DNTT: variants seen among roughly 807,000 people sequenced by gnomAD.
DNTT encodes DNA nucleotidylexotransferase.
A neutral mutation model predicts 60.9 loss-of-function variants in DNTT; 47 were observed. The observed-to-expected ratio is 0.77, with a 90% confidence interval of 0.61 to 0.98. DNTT has a LOEUF of 0.98. Ranked by LOEUF, DNTT falls within the 50% of genes least tolerant of loss-of-function variation. DNTT has a pLI of 0.00. For synonymous variants in DNTT, 224 were observed against 221.2 expected (o/e 1.01, Z -0.11); for missense variants, 665 against 627.5 (o/e 1.06, Z -0.64).
chr10:96,313,882 C>T (rs1844751516), intron 1 of DNTT, among the ~76,000 whole-genome samples: 1 of 152,094 alleles, frequency 6.6e-6, no homozygotes, highest in Non-Finnish European at 1.5e-5. Context: ...TGGTGACAGG[C>T]CAGAATTTGG....
intron 1 of DNTT, among the ~76,000 whole-genome samples, chr10:96,317,765 A>T (rs1210638687): frequency 2.0e-5 from 3 of 152,194 alleles, no homozygotes; most frequent in African/African-American, 7.2e-5. Flanking sequence ...CCCCTTGATC[A>T]TGGACTTTCC....
At position 96,310,717 on chromosome 10, in the gene DNTT, A is replaced by T. The variant is rs371849572; in HGVS notation, c.203+6017A>T. Among the ~76,000 whole-genome samples the T allele has an allele frequency of 7.2e-5, 11 of 152,154 alleles. No individual in the cohort carries two copies. The South Asian group carries it at 1.5e-3, about 20-fold the overall frequency. ...AGCCACGTGTAGACCTCAGCTACAG[A>T]CTTAGACAATTTTCTTTCACATAGG... On this transcript the variant is annotated intron_variant, in intron 1 of 10. Transcript: ENST00000371174.
intron 8 of DNTT, among the ~76,000 whole-genome samples, chr10:96,329,661 G>A (rs1222751879): frequency 6.6e-6 from 1 of 152,240 alleles, no homozygotes; most frequent in Non-Finnish European, 1.5e-5. Context: ...AGGGCCAGGG[G>A]CACTGGAAGT....
At chr10:96,308,626 GC>G (rs1844671277) in intron 1 of DNTT, among the ~76,000 whole-genome samples, 1 of 152,188 alleles carries the variant, frequency 6.6e-6, no homozygotes, top group South Asian at 2.1e-4. Flanking sequence ...CACCAAACAG[GC>G]ATTGTGTGAG....
chr10:96,320,056 G>A (rs1844847634), intron 3 of DNTT, among the ~76,000 whole-genome samples: 1 of 152,224 alleles, frequency 6.6e-6, no homozygotes, highest in Admixed American at 6.5e-5. Context: ...CTCCATGTCT[G>A]TGTTGGAAAG....
chr10:96,308,288 G>A (rs1369706791), intron 1 of DNTT, among the ~76,000 whole-genome samples: 1 of 152,130 alleles, frequency 6.6e-6, no homozygotes, highest in Non-Finnish European at 1.5e-5. Flanking sequence ...GTGGAGCTTT[G>A]CTAACATTTA....
intron 1 of DNTT, among the ~76,000 whole-genome samples, chr10:96,316,380 C>T (rs1322098510): frequency 2.0e-5 from 3 of 152,150 alleles, no homozygotes; most frequent in African/African-American, 7.2e-5. Context: ...CCTCCCTACC[C>T]CATTACGCTC....
At chr10:96,335,803 T>C (rs1032169290) in intron 9 of DNTT, 88 bp from the exon 10 acceptor site, 6 of 1,416,920 alleles carry the variant, frequency 4.2e-6, no homozygotes, top group Non-Finnish European at 6.0e-6. Context: ...TTTAGTGGAG[T>C]TACATATTTC....
chr10:96,333,910 C>G (rs73320754), intron 9 of DNTT, among the ~76,000 whole-genome samples: 3,138 of 152,134 alleles, frequency 0.021, 112 homozygotes, highest in African/African-American at 0.072. Flanking sequence ...TTCTATTGCA[C>G]AGTATGGTGA....
At chr10:96,324,469 C>G (rs897733238) in intron 6 of DNTT, 80 bp downstream of exon 6, 1 of 1,579,332 alleles carries the variant, frequency 6.3e-7, no homozygotes, top group African/African-American at 1.3e-5. Flanking sequence ...TACACTGCAA[C>G]TCCAATCTGG....
intron 1 of DNTT, among the ~76,000 whole-genome samples, chr10:96,306,903 T>C (rs939889570): frequency 1.3e-5 from 2 of 152,226 alleles, no homozygotes; most frequent in Non-Finnish European, 2.9e-5. Flanking sequence ...TAGACTTTAA[T>C]TGGATAGAGA....
At chr10:96,333,579 G>A (rs1008958351) in intron 9 of DNTT, among the ~76,000 whole-genome samples, 9 of 152,196 alleles carry the variant, frequency 5.9e-5, no homozygotes, top group African/African-American at 2.2e-4. Context: ...AGCATCCACA[G>A]CAGATGAATG....
At chr10:96,315,337 G>T (rs751822744) in intron 1 of DNTT, among the ~76,000 whole-genome samples, 3 of 151,892 alleles carry the variant, frequency 2.0e-5, no homozygotes, top group Admixed American at 6.6e-5. Flanking sequence ...ACCTTGTTGG[G>T]AACTAGTGGC....
In DNTT at chr10:96,318,447, A is replaced by T. The variant is rs1246704613; in HGVS notation, c.299A>T (p.Glu100Val). The T allele has an allele frequency of 6.2e-7, 1 of 1,613,994 alleles. No homozygotes were observed. Residue 100 changes from glutamate to valine, a missense_variant, in exon 2 of 11, where the codon GAG becomes GTG. Glu to Val is a moderately radical substitution (Grantham distance 121). Transcript: ENST00000371174. ...AQKVQVSSQP[E>V]LLDVSWLIEC... ...AAAGTACAAGTCAGCTCACAACCAG[A>T]GCTCCTCGATGTCTCCTGGCTGATC...
chr10:96,328,194 G>A (rs1402239052), intron 7 of DNTT, among the ~76,000 whole-genome samples: 1 of 152,194 alleles, frequency 6.6e-6, no homozygotes, highest in Admixed American at 6.5e-5. Context: ...GGATATTGAG[G>A]CCTGCATTTC....
intron 7 of DNTT, among the ~76,000 whole-genome samples, chr10:96,328,399 A>G (rs913743311): frequency 4.3e-4 from 66 of 152,214 alleles, no homozygotes; most frequent in African/African-American, 1.5e-3. Context: ...TACAATTCTT[A>G]GTTTGCTTGT....
chr10:96,305,822 T>A (rs1844627256), intron 1 of DNTT, among the ~76,000 whole-genome samples: 1 of 152,240 alleles, frequency 6.6e-6, no homozygotes, highest in South Asian at 2.1e-4. Flanking sequence ...GACTTTTCAT[T>A]CATTTTTTGC....
intron 1 of DNTT, among the ~76,000 whole-genome samples, chr10:96,306,092 A>ATTTTTTTTTTT (rs66877330): frequency 5.3e-5 from 7 of 131,484 alleles, no homozygotes; most frequent in African/African-American, 1.9e-4. Context: ...AAAAAAATAG[A>ATTTTTTTTTTT]TTTTTTTTTT....
chr10:96,333,793 G>C (rs1022386198), intron 9 of DNTT, among the ~76,000 whole-genome samples: 25 of 152,206 alleles, frequency 1.6e-4, no homozygotes, highest in Non-Finnish European at 1.8e-4. Flanking sequence ...GTACAGAATA[G>C]AATGTAGAAT....
Sources: gnomAD v4.1 joint callset for allele counts (sites outside exome capture counted in the v4.1 genomes callset) on GRCh38, gnomAD v4.1.1 for gene constraint, MANE v1.5 for transcripts, NCBI Gene and HGNC (gene_info 2026-07-23, HGNC 2026-07-21) for gene names.